The following FHIT variants were observed in gnomAD, a reference collection of about 807,000 sequenced individuals.
FHIT encodes the protein bis(5'-adenosyl)-triphosphatase.
FHIT carries 19 observed loss-of-function variants against 17.9 expected under a neutral mutation model. The ratio of observed to expected loss-of-function variants is 1.06; its 90% CI spans 0.74 to 1.56. The LOEUF (loss-of-function observed/expected upper bound fraction) is 1.56, where lower values mean the gene tolerates loss of function less well. Ranked by LOEUF, FHIT falls within the 40% of genes most tolerant of loss-of-function variation. The pLI is 0.00. For synonymous variants in FHIT, 81 were observed against 69.7 expected (o/e 1.16, Z -0.81); for missense variants, 248 against 189.2 (o/e 1.31, Z -1.82).
In FHIT at chr3:60,363,505, A is replaced by T. The variant is rs551016917; in HGVS notation, c.103+173355T>A. ...GATCTCATTTATTCCCACAACTCTG[A>T]CTTGTATACTGCCGCTATCCCTGTT... On this transcript the variant is annotated intron_variant, in intron 5 of 9. Coordinates refer to ENST00000492590, the MANE Select transcript of FHIT (RefSeq NM_002012.4). Among the ~76,000 whole-genome samples, 3 of 152,272 alleles carry T rather than the reference A, an allele frequency of 2.0e-5. No homozygotes were observed. The South Asian group carries it at 6.2e-4, about 32-fold the overall frequency.
rs773535593 is a variant in FHIT, at chr3:60,480,052, T to G, written c.103+56808A>C. Among the ~76,000 whole-genome samples, 18 of 152,252 alleles carry G rather than the reference T, an allele frequency of 1.2e-4. 1 individual carries two copies. Among genetic ancestry groups the G allele is most frequent in the Non-Finnish European group, 2.6e-4 (18 of 68,026 alleles). On this transcript the variant is annotated intron_variant, in intron 5 of 9. Coordinates refer to ENST00000492590, the MANE Select transcript of FHIT (RefSeq NM_002012.4). ...TGGGTACTTTATGAAGAGAAGAGGC[T>G]TAATTGACTCACAGTTCCACATGGT... is the stretch of plus-strand genomic sequence containing the variant.
intron 5 of FHIT, among the ~76,000 whole-genome samples, chr3:60,262,619 C>G (rs1706361438): frequency 6.6e-6 from 1 of 151,930 alleles, no homozygotes; most frequent in Non-Finnish European, 1.5e-5. Flanking sequence ...CTTTTTACCT[C>G]TAGCCAATTT....
At chr3:60,458,088 T>C (rs2032225553) in intron 5 of FHIT, among the ~76,000 whole-genome samples, 1 of 152,164 alleles carries the variant, frequency 6.6e-6, no homozygotes, top group Non-Finnish European at 1.5e-5. Context: ...ACTGGGTATA[T>C]ACCCAAAGGA....
At chr3:60,296,556 C>T (rs1021053774) in intron 5 of FHIT, among the ~76,000 whole-genome samples, 1 of 151,810 alleles carries the variant, frequency 6.6e-6, no homozygotes, top group African/African-American at 2.4e-5. Flanking sequence ...AGATAATAGC[C>T]CTGTTTTGGA....
intron 5 of FHIT, among the ~76,000 whole-genome samples, chr3:60,134,922 G>GC (rs1699750158): frequency 6.6e-6 from 1 of 151,980 alleles, no homozygotes; most frequent in Admixed American, 6.6e-5. Flanking sequence ...GAGGCACAGA[G>GC]CAAGCACTCA....
intron 9 of FHIT, chr3:59,751,248 C>CT (rs1700882280): frequency 1.2e-5 from 2 of 170,704 alleles, no homozygotes; most frequent in African/African-American, 2.4e-5. Context: ...CTCTCTCTCT[C>CT]CTGTTTTTTT....
intron 5 of FHIT, among the ~76,000 whole-genome samples, chr3:60,374,391 A>G (rs1431842085): frequency 1.3e-5 from 2 of 151,962 alleles, no homozygotes; most frequent in Non-Finnish European, 2.9e-5. Context: ...CTGCTAATGC[A>G]ATTCTGTAAG....
intron 5 of FHIT, among the ~76,000 whole-genome samples, chr3:60,451,702 T>A (rs912497676): frequency 6.6e-6 from 1 of 152,172 alleles, no homozygotes; most frequent in Non-Finnish European, 1.5e-5. Flanking sequence ...CTAGTTCAAC[T>A]TTTTTAGAAA....
intron 3 of FHIT, among the ~76,000 whole-genome samples, chr3:60,940,581 T>C (rs1418380643): frequency 1.3e-5 from 2 of 152,222 alleles, no homozygotes; most frequent in African/African-American, 4.8e-5. Context: ...GAGGGTTATA[T>C]GATAATGTCT....
At chr3:61,251,156 C>A (rs1393311424) in intron 1 of FHIT, 145 bp downstream of exon 1, 1 of 152,346 alleles carries the variant, frequency 6.6e-6, no homozygotes, top group Non-Finnish European at 1.5e-5. Context: ...CCTCGTGGGG[C>A]GGAAGAGTAC....
At chr3:59,832,348 T>C (rs571160247) in intron 8 of FHIT, among the ~76,000 whole-genome samples, 1 of 152,278 alleles carries the variant, frequency 6.6e-6, no homozygotes, top group Admixed American at 6.5e-5. Flanking sequence ...CCAACCTCAT[T>C]GTGCTAGGTT....
intron 5 of FHIT, among the ~76,000 whole-genome samples, chr3:60,065,615 G>A (rs1398669499): frequency 1.3e-5 from 2 of 152,172 alleles, no homozygotes; most frequent in Non-Finnish European, 2.9e-5. Flanking sequence ...GCAAGAAAGT[G>A]AGACCTAATC....
chr3:60,264,794 AG>A (rs548921025), intron 5 of FHIT, among the ~76,000 whole-genome samples: 14 of 152,118 alleles, frequency 9.2e-5, no homozygotes, highest in Non-Finnish European at 1.9e-4. Context: ...CACTTAAGGA[AG>A]GAATTTTTAA....
At chr3:60,467,130 T>A (rs973109282) in intron 5 of FHIT, among the ~76,000 whole-genome samples, 1 of 152,162 alleles carries the variant, frequency 6.6e-6, no homozygotes, top group South Asian at 2.1e-4. Flanking sequence ...CCATTTCTTC[T>A]AGGTTTTCCA....
At chr3:60,388,991 CT>C (rs1701120529) in intron 5 of FHIT, among the ~76,000 whole-genome samples, 1 of 152,206 alleles carries the variant, frequency 6.6e-6, no homozygotes. Flanking sequence ...ACCCTGCCTA[CT>C]TTTAGTCATC....
intron 5 of FHIT, among the ~76,000 whole-genome samples, chr3:60,459,042 A>G (rs1458493041): frequency 1.3e-5 from 2 of 152,170 alleles, no homozygotes; most frequent in Non-Finnish European, 2.9e-5. Flanking sequence ...TTGTTCTCCC[A>G]AAGTGCTGGG....
rs1442049704 is a variant in FHIT, at chr3:61,245,361, G to T, written c.-213+5940C>A. Among the ~76,000 whole-genome samples the T allele has an allele frequency of 3.9e-5, 6 of 152,288 alleles. No homozygotes were observed. In the South Asian group the frequency reaches 1.2e-3, roughly 32 times the overall value. On this transcript the variant is annotated intron_variant, in intron 1 of 9. Transcript: ENST00000492590. The stretch of plus-strand genomic sequence containing the variant: ...TTCCCCAGAGTCACACACATAGAAA[G>T]TAGCAGAACCAAGATTAAAGTCCAG...
At chr3:60,300,794 C>A (rs1708429883) in intron 5 of FHIT, among the ~76,000 whole-genome samples, 1 of 152,040 alleles carries the variant, frequency 6.6e-6, no homozygotes, top group Non-Finnish European at 1.5e-5. Flanking sequence ...ATTTTGGATA[C>A]CTCTGACTCC....
chr3:60,858,365 A>G (rs1332902661), intron 3 of FHIT, among the ~76,000 whole-genome samples: 3 of 152,174 alleles, frequency 2.0e-5, no homozygotes, highest in Non-Finnish European at 4.4e-5. Flanking sequence ...GTGCTATAAC[A>G]TGGTCAAAGC....
Sources: allele counts gnomAD v4.1 joint callset (sites outside exome capture counted in the v4.1 genomes callset), GRCh38; gene constraint gnomAD v4.1.1; transcripts MANE v1.5; gene names NCBI Gene and HGNC (gene_info 2026-07-23, HGNC 2026-07-21).